The following SOX5 variants were observed in gnomAD, a reference collection of about 807,000 sequenced individuals.
The protein encoded by SOX5 is SRY-box transcription factor 5.
A neutral mutation model predicts 92.0 loss-of-function variants in SOX5; 9 were observed. The ratio of observed to expected loss-of-function variants is 0.10; its 90% CI spans 0.06 to 0.17. The LOEUF is 0.17. Ranked by LOEUF, SOX5 falls within the 10% of genes least tolerant of loss-of-function variation. The probability of loss-of-function intolerance (pLI) is 1.00; values close to 1 mark genes in which losing one functional copy is unlikely to be tolerated. For synonymous variants in SOX5, 344 were observed against 336.3 expected (o/e 1.02, Z -0.25); for missense variants, 642 against 944.5 (o/e 0.68, Z 4.20).
chr12:24,440,533 A>G (rs915620903), intron 1 of SOX5, among the ~76,000 whole-genome samples: 2 of 151,608 alleles, frequency 1.3e-5, no homozygotes, highest in African/African-American at 4.9e-5. Context: ...AACCCCTAGG[A>G]GCCAGGCTAC....
At chr12:24,446,185 TAAC>T (rs1941445453) in intron 1 of SOX5, among the ~76,000 whole-genome samples, 1 of 152,136 alleles carries the variant, frequency 6.6e-6, no homozygotes, top group Non-Finnish European at 1.5e-5. Context: ...AGCAGGCAGA[TAAC>T]AAATGACTAA....
intron 4 of SOX5, among the ~76,000 whole-genome samples, chr12:24,179,127 C>A (rs1017409335): frequency 1.3e-5 from 2 of 152,188 alleles, no homozygotes; most frequent in Non-Finnish European, 1.5e-5. Flanking sequence ...ACATAACTAA[C>A]TGAAGTTCTT....
chr12:24,202,333 T>A lies in SOX5; in HGVS notation c.-2+11010A>T, dbSNP rs560679200. On this transcript the variant is annotated intron_variant, in intron 4 of 4. Transcript: ENST00000446891. Reference sequence around the variant, plus strand: ...TTTTATTTAAGGCACACAATTTTTATCTTCCAATTTAACTTTTCATTCTGA... The same window carrying A: ...TTTTATTTAAGGCACACAATTTTTAACTTCCAATTTAACTTTTCATTCTGA... Among the ~76,000 whole-genome samples, 119 of 152,342 alleles carry A rather than the reference T, an allele frequency of 7.8e-4. 1 individual carries two copies. Among genetic ancestry groups the A allele is most frequent in the African/African-American group, 2.2e-3 (91 of 41,578 alleles).
At chr12:24,039,893 G>A (rs984180359) in intron 4 of SOX5, among the ~76,000 whole-genome samples, 3 of 152,044 alleles carry the variant, frequency 2.0e-5, no homozygotes, top group Non-Finnish European at 2.9e-5. Flanking sequence ...CAGTTCTGTC[G>A]GAAGGTAAAC....
chr12:24,241,044 T>A (rs1470946831), intron 3 of SOX5, among the ~76,000 whole-genome samples: 1 of 152,180 alleles, frequency 6.6e-6, no homozygotes, highest in Non-Finnish European at 1.5e-5. Context: ...TGATGTACTA[T>A]GAATTCCCTC....
At chr12:24,063,493 C>A (rs1940122671) in intron 4 of SOX5, among the ~76,000 whole-genome samples, 1 of 152,130 alleles carries the variant, frequency 6.6e-6, no homozygotes, top group South Asian at 2.1e-4. Flanking sequence ...TATGTTATTT[C>A]CTAGTATTAA....
chr12:24,485,380 A>T (rs2137872514), intron 1 of SOX5, among the ~76,000 whole-genome samples: 1 of 152,360 alleles, frequency 6.6e-6, no homozygotes, highest in African/African-American at 2.4e-5. Context: ...TGAGTAGCTT[A>T]GAACTGGCAT....
intron 3 of SOX5, among the ~76,000 whole-genome samples, chr12:24,223,754 C>CAAACAA (rs939542954): frequency 2.6e-5 from 4 of 152,102 alleles, no homozygotes; most frequent in South Asian, 2.1e-4. Context: ...GACCCTATCT[C>CAAACAA]AAACAAAAAC....
intron 1 of SOX5, among the ~76,000 whole-genome samples, chr12:24,424,956 C>T (rs1483110587): frequency 6.6e-6 from 1 of 151,912 alleles, no homozygotes; most frequent in Non-Finnish European, 1.5e-5. Flanking sequence ...GTTTCAATTA[C>T]AAGATAATCA....
chr12:24,539,074 T>A (rs993614800), intron 1 of SOX5, among the ~76,000 whole-genome samples: 11 of 152,104 alleles, frequency 7.2e-5, no homozygotes, highest in African/African-American at 2.2e-4. Context: ...TTCAGTATGA[T>A]TTAGTCCCCC....
chr12:23,746,232 G>A (rs1035481226), intron 4 of SOX5, among the ~76,000 whole-genome samples: 4 of 152,118 alleles, frequency 2.6e-5, no homozygotes, highest in African/African-American at 9.7e-5. Context: ...AGTAGCAAGA[G>A]TCACAAGACA....
intron 1 of SOX5, among the ~76,000 whole-genome samples, chr12:24,476,631 C>A (rs1945409577): frequency 6.6e-6 from 1 of 152,164 alleles, no homozygotes; most frequent in Non-Finnish European, 1.5e-5. Flanking sequence ...GCCCAGGCCC[C>A]CACGGCACTC....
At chr12:24,269,358 CAGAA>C (rs1943401881) in intron 3 of SOX5, among the ~76,000 whole-genome samples, 1 of 152,108 alleles carries the variant, frequency 6.6e-6, no homozygotes, top group African/African-American at 2.4e-5. Flanking sequence ...AATGTTAACA[CAGAA>C]AGAGATAAGC....
At chr12:24,517,120 T>G (rs1949859131) in intron 1 of SOX5, among the ~76,000 whole-genome samples, 2 of 152,244 alleles carry the variant, frequency 1.3e-5, no homozygotes, top group African/African-American at 4.8e-5. Flanking sequence ...ATTATAATAA[T>G]GTCTCATTCA....
chr12:24,340,244 T>C (rs1952424707), intron 2 of SOX5, among the ~76,000 whole-genome samples: 1 of 152,234 alleles, frequency 6.6e-6, no homozygotes, highest in African/African-American at 2.4e-5. Context: ...TCACACTCAT[T>C]ACTGAATAAT....
chr12:23,920,411 T>C (rs544256111), intron 1 of SOX5: 2 of 152,340 alleles, frequency 1.3e-5, no homozygotes, highest in Admixed American at 6.5e-5. Context: ...GTAGCCTAGA[T>C]AGATGACTCT....
chr12:24,087,713 G>A (rs923251620), intron 4 of SOX5, among the ~76,000 whole-genome samples: 6 of 152,028 alleles, frequency 3.9e-5, no homozygotes, highest in Non-Finnish European at 7.4e-5. Context: ...TACTACTGTA[G>A]ATATATGTTT....
At chr12:23,934,806 T>C (rs1367146195) in intron 1 of SOX5, among the ~76,000 whole-genome samples, 1 of 151,342 alleles carries the variant, frequency 6.6e-6, no homozygotes, top group East Asian at 1.9e-4. Flanking sequence ...AATATGGGAA[T>C]AATTATAATC....
intron 7 of SOX5, among the ~76,000 whole-genome samples, chr12:23,655,678 C>T (rs2082219420): frequency 1.3e-5 from 2 of 152,206 alleles, no homozygotes; most frequent in Admixed American, 1.3e-4. Flanking sequence ...CTGAGGTTCA[C>T]AGGTGAGAAT....
Sources: allele counts gnomAD v4.1 joint callset (sites outside exome capture counted in the v4.1 genomes callset), GRCh38; gene constraint gnomAD v4.1.1; transcripts MANE v1.5; gene names NCBI Gene and HGNC (gene_info 2026-07-23, HGNC 2026-07-21).